BEAN1: variants seen among roughly 807,000 people sequenced by gnomAD.
BEAN1 encodes protein BEAN1.
BEAN1 carries 17 observed loss-of-function variants against 17.7 expected under a neutral mutation model. The observed-to-expected ratio is 0.96, with a 90% CI of 0.66 to 1.44. The LOEUF (loss-of-function observed/expected upper bound fraction) is 1.44. BEAN1 is among the 40% of genes most tolerant of loss of function. BEAN1 has a pLI of 0.00. For missense variants in BEAN1, 359 were observed against 374.1 expected, an observed-to-expected ratio of 0.96 and a Z score of 0.33; for synonymous variants, 142 against 151.8, an observed-to-expected ratio of 0.94 and a Z score of 0.47.
At chr16:66,437,334 A>G (rs1382843583) in intron 1 of BEAN1, among the ~76,000 whole-genome samples, 1 of 152,048 alleles carries the variant, frequency 6.6e-6, no homozygotes, top group African/African-American at 2.4e-5. Context: ...ATTCCCAAAG[A>G]TCCACCCAAG....
chr16:66,475,234 A>G (rs1176833695), intron 3 of BEAN1, among the ~76,000 whole-genome samples: 4 of 149,302 alleles, frequency 2.7e-5, no homozygotes, highest in African/African-American at 9.9e-5. Flanking sequence ...GTTTCTTTCC[A>G]GCTGTCTCTC....
chr16:66,449,606 CAAA>C (rs35721774), intron 2 of BEAN1, among the ~76,000 whole-genome samples: 2 of 83,344 alleles, frequency 2.4e-5, no homozygotes, highest in Admixed American at 1.5e-4. Context: ...GACTCCATCT[CAAA>C]AAAAAAAAAA....
intron 2 of BEAN1, among the ~76,000 whole-genome samples, chr16:66,442,129 G>A (rs1962283057): frequency 6.6e-6 from 1 of 152,234 alleles, no homozygotes; most frequent in Non-Finnish European, 1.5e-5. Context: ...CAAATACCAA[G>A]CCTGTGAGCC....
chr16:66,437,461 T>A, intron 1 of BEAN1, 134 bp from the exon 2 acceptor site: 3 of 561,754 alleles, frequency 5.3e-6, no homozygotes, highest in Non-Finnish European at 6.3e-6. Context: ...TTGCCCAGAC[T>A]AGGCACGTGC....
chr16:66,459,798 G>C (rs529001761), intron 2 of BEAN1, among the ~76,000 whole-genome samples: 1 of 152,298 alleles, frequency 6.6e-6, no homozygotes, highest in South Asian at 2.1e-4. Context: ...TTGCCAGACG[G>C]ATTTATCACT....
intron 1 of BEAN1, among the ~76,000 whole-genome samples, 175 bp from the exon 2 acceptor site, chr16:66,437,420 C>G (rs1377977125): frequency 6.6e-6 from 1 of 152,162 alleles, no homozygotes; most frequent in Non-Finnish European, 1.5e-5. Flanking sequence ...GTCCCTCTCC[C>G]CATTCTACAG....
intron 2 of BEAN1, among the ~76,000 whole-genome samples, chr16:66,455,847 C>G (rs906652514): frequency 2.0e-5 from 3 of 152,174 alleles, no homozygotes; most frequent in Admixed American, 6.5e-5. Context: ...CCACCATGCC[C>G]AACTAATTTT....
intron 1 of BEAN1, among the ~76,000 whole-genome samples, chr16:66,433,838 G>A (rs74026534): frequency 6.4e-4 from 97 of 152,286 alleles, no homozygotes; most frequent in African/African-American, 2.3e-3. Flanking sequence ...GAGGCTGGCC[G>A]CTCCTGGGGC....
chr16:66,485,515 C>T (rs1016161124), downstream of BEAN1: 60 of 232,970 alleles, frequency 2.6e-4, no homozygotes, highest in Non-Finnish European at 3.9e-4. Context: ...CCACATTGCA[C>T]GTCCTCGGGG....
intron 2 of BEAN1, among the ~76,000 whole-genome samples, chr16:66,463,514 G>A (rs1369029597): frequency 2.0e-5 from 3 of 152,162 alleles, no homozygotes; most frequent in African/African-American, 7.2e-5. Context: ...TGAGTTGTAA[G>A]AGCTCTTTAC....
In BEAN1 at chr16:66,437,661, C is replaced by T. The variant is rs1962081555; in HGVS notation, c.-16C>T. ...CCGTGGGCAGGCTGGCTCCGCTGTTCTGCTCCAAGGATTACATGTCCTTCA... is the reference window on the plus strand; with the variant it reads ...CCGTGGGCAGGCTGGCTCCGCTGTTTTGCTCCAAGGATTACATGTCCTTCA... On this transcript the variant is annotated 5_prime_UTR_variant, in exon 2 of 5. Transcript: ENST00000536005. The T allele has an allele frequency of 6.5e-7, 1 of 1,535,926 alleles. No homozygotes were observed. Among genetic ancestry groups the T allele is most frequent in the Non-Finnish European group, 8.7e-7 (1 of 1,146,748 alleles).
At chr16:66,464,416 C>T (rs1963193525) in intron 2 of BEAN1, among the ~76,000 whole-genome samples, 1 of 152,112 alleles carries the variant, frequency 6.6e-6, no homozygotes, top group African/African-American at 2.4e-5. Flanking sequence ...TCTCGGCTCA[C>T]TGCAAACTCC....
intron 2 of BEAN1, among the ~76,000 whole-genome samples, chr16:66,467,773 G>T (rs555329445): frequency 1.3e-5 from 2 of 152,296 alleles, no homozygotes; most frequent in East Asian, 1.9e-4. Context: ...TTCAGCAAAG[G>T]CTTGGCTCTC....
intron 4 of BEAN1, among the ~76,000 whole-genome samples, chr16:66,492,016 G>A (rs1481601346): frequency 6.6e-6 from 1 of 152,114 alleles, no homozygotes; most frequent in Non-Finnish European, 1.5e-5. Flanking sequence ...AGAGCTACCA[G>A]AGAGGTTTTG....
chr16:66,486,780 C>G (rs1964095146), downstream of BEAN1, among the ~76,000 whole-genome samples: 1 of 152,228 alleles, frequency 6.6e-6, no homozygotes, highest in Admixed American at 6.5e-5. Flanking sequence ...TTGACAGGGA[C>G]AGGCCCTACC....
chr16:66,466,643 G>C (rs1275393383), intron 2 of BEAN1, among the ~76,000 whole-genome samples: 1 of 152,180 alleles, frequency 6.6e-6, no homozygotes, highest in Non-Finnish European at 1.5e-5. Context: ...TTTGCTCACT[G>C]CAACCTCCGC....
At chr16:66,448,257 G>C (rs909575385) in intron 2 of BEAN1, among the ~76,000 whole-genome samples, 1 of 152,058 alleles carries the variant, frequency 6.6e-6, no homozygotes, top group Non-Finnish European at 1.5e-5. Flanking sequence ...AGAAATACCA[G>C]CTCACAAGAG....
At position 66,481,055 on chromosome 16, in the gene BEAN1, C is replaced by CG; in HGVS notation, c.*130_*131insG. 2 of 695,964 alleles carry CG rather than the reference C, an allele frequency of 2.9e-6. No individual in the cohort carries two copies. Among genetic ancestry groups the CG allele is most frequent in the Non-Finnish European group, 4.4e-6 (2 of 452,346 alleles). 43.1% of individuals were successfully genotyped at this position (695,964 alleles called of 1,614,324 possible). On this transcript the variant is annotated 3_prime_UTR_variant, in exon 5 of 5. Coordinates refer to ENST00000536005, the MANE Select transcript of BEAN1 (RefSeq NM_001178020.3). The surrounding 1 kb of genome is among the most constrained non-coding windows in gnomAD (Gnocchi z 4.1). ...CACACACATAGACCAAACTTGTATA[C>CG]ACACAGACATCTACACTGACATACC...
At chr16:66,433,897 G>A (rs1481399306) in intron 1 of BEAN1, among the ~76,000 whole-genome samples, 5 of 152,178 alleles carry the variant, frequency 3.3e-5, no homozygotes, top group African/African-American at 9.7e-5. Flanking sequence ...ACACTGGCGC[G>A]TCAGCAGACC....
Sources: allele counts gnomAD v4.1 joint callset (sites outside exome capture counted in the v4.1 genomes callset), GRCh38; gene constraint gnomAD v4.1.1; non-coding constraint Gnocchi (gnomAD v3.1); transcripts MANE v1.5; gene names NCBI Gene and HGNC (gene_info 2026-07-23, HGNC 2026-07-21).